DNAH5: variants seen among roughly 807,000 people sequenced by gnomAD.
DNAH5 encodes the protein axonemal beta dynein heavy chain 5.
A neutral mutation model predicts 518.2 loss-of-function variants in DNAH5; 372 were observed. The ratio of observed to expected loss-of-function variants is 0.72; its 90% CI spans 0.66 to 0.78. The LOEUF (loss-of-function observed/expected upper bound fraction) is 0.78. DNAH5 is among the 30% of genes least tolerant of loss of function. The pLI is 0.00. For synonymous variants in DNAH5, 2,039 were observed against 2,025.9 expected (o/e 1.01, Z -0.17); for missense variants, 5,523 against 5,687.0 (o/e 0.97, Z 0.93).
intron 8 of DNAH5, 92 bp from the exon 9 acceptor site, chr5:13,916,547 T>G: frequency 1.5e-6 from 1 of 645,832 alleles, no homozygotes; most frequent in East Asian, 3.1e-5. Context: ...AAATAAAGTT[T>G]AAGAGCTTTC....
intron 53 of DNAH5, 142 bp downstream of exon 53, chr5:13,780,686 AG>A: frequency 1.1e-6 from 1 of 930,738 alleles, no homozygotes. Flanking sequence ...AAAGGTTGAC[AG>A]GGGAAGATGA....
rs1753032624 is a variant in DNAH5 at position 13,769,558 on chromosome 5, A to T, written c.9663T>A (p.Ser3221Arg). ...CCTTTTCTTTCGCTTCCAGTTCTTT[A>T]CTCAAGGCTGCAACAGACTCTGAAG... ...KEASESVAAL[S>R]KELEAKEKEL... The change falls in exon 57 of 79, where the codon AGT (serine) becomes AGA (arginine). Residue 3221 changes from serine to arginine, a missense_variant. Around this residue, in one of 3 missense-constraint regions of DNAH5, gnomAD observed 5,121 missense variants for 5,223.3 expected, o/e 0.98. Coordinates refer to ENST00000265104, the MANE Select transcript of DNAH5 (RefSeq NM_001369.3). 44 of 1,613,832 alleles carry T rather than the reference A, an allele frequency of 2.7e-5. No individual in the cohort carries two copies. Among genetic ancestry groups the T allele is most frequent in the Non-Finnish European group, 3.7e-5 (44 of 1,179,950 alleles).
At chr5:13,960,728 G>T (rs1272209842) in intron 1 of DNAH5, among the ~76,000 whole-genome samples, 4 of 152,128 alleles carry the variant, frequency 2.6e-5, no homozygotes, top group African/African-American at 4.8e-5. Flanking sequence ...TCACCTCCCT[G>T]GGAGTCCCTC....
intron 56 of DNAH5, among the ~76,000 whole-genome samples, chr5:13,770,055 A>T (rs1365543311): frequency 6.6e-6 from 1 of 152,218 alleles, no homozygotes; most frequent in East Asian, 1.9e-4. Context: ...CCATCAGAAC[A>T]GCTGTAGGAA....
chr5:13,924,544 A>G (rs1372932099), intron 3 of DNAH5, among the ~76,000 whole-genome samples: 1 of 151,594 alleles, frequency 6.6e-6, no homozygotes, highest in Non-Finnish European at 1.5e-5. Context: ...GCGTGGTGGC[A>G]CATGCCTGTA....
At chr5:13,823,142 C>T in intron 40 of DNAH5, 121 bp downstream of exon 40, 1 of 786,834 alleles carries the variant, frequency 1.3e-6, no homozygotes, top group Middle Eastern at 2.3e-4. Context: ...CAGTGTTAGC[C>T]TCACTGTTGT....
intron 55 of DNAH5, among the ~76,000 whole-genome samples, chr5:13,774,033 C>A (rs972556472): frequency 6.6e-6 from 1 of 152,082 alleles, no homozygotes; most frequent in Non-Finnish European, 1.5e-5. Context: ...CGAAGGCCTG[C>A]TAAAGGTTGT....
intron 65 of DNAH5, 38 bp from the exon 66 acceptor site, chr5:13,737,533 A>G: frequency 1.2e-6 from 2 of 1,604,206 alleles, no homozygotes; most frequent in South Asian, 2.2e-5. Flanking sequence ...ACCTCAATTA[A>G]CAACTCTTGT....
rs543433788 is a variant in DNAH5 at position 13,843,305 on chromosome 5, G to A, written c.5272-1401C>T. Among the ~76,000 whole-genome samples the A allele has an allele frequency of 5.3e-5, 8 of 152,208 alleles. 1 individual carries two copies. In the South Asian group the frequency reaches 1.7e-3, roughly 32 times the overall value. On this transcript the variant is annotated intron_variant, in intron 32 of 78. Transcript: ENST00000265104. Reference sequence around the variant, plus strand: ...GAGAATGTTTCTGAAACACAAATCAGGTCACTGCCCTGCTTAAACACCTCC... The same window carrying A: ...GAGAATGTTTCTGAAACACAAATCAAGTCACTGCCCTGCTTAAACACCTCC...
intron 19 of DNAH5, among the ~76,000 whole-genome samples, chr5:13,883,840 A>G (rs1451094704): frequency 6.6e-6 from 1 of 152,156 alleles, no homozygotes; most frequent in African/African-American, 2.4e-5. Context: ...GTAAAACATA[A>G]TAAGCCATGG....
rs552113983 is a variant in DNAH5 at position 13,716,779 on chromosome 5, A to G, written c.12706-89T>C. 96 of 873,876 alleles carry G rather than the reference A, an allele frequency of 1.1e-4. No individual in the cohort carries two copies. In the African/African-American group the frequency reaches 1.5e-3, roughly 14 times the overall value. 54.1% of individuals were successfully genotyped at this position (873,876 alleles called of 1,614,324 possible). A position where few individuals can be genotyped will look rare whatever the true frequency, so the allele number is the denominator to read the frequency against. On this transcript the variant is annotated intron_variant, in intron 73 of 78. Transcript: ENST00000265104. The stretch of plus-strand genomic sequence containing the variant: ...AGTCACACCCATGTATTCACTTTCA[A>G]CATCATTCAGTCAGTCACTCTTCAT...
At chr5:13,907,373 G>A (rs1775439341) in intron 12 of DNAH5, among the ~76,000 whole-genome samples, 2 of 152,204 alleles carry the variant, frequency 1.3e-5, no homozygotes, top group African/African-American at 4.8e-5. Context: ...AGAGGTTGCA[G>A]TGAGCCGAGA....
chr5:13,769,421 C>A (rs1753001054), intron 57 of DNAH5, 80 bp downstream of exon 57: 1 of 1,108,432 alleles, frequency 9.0e-7, no homozygotes, highest in South Asian at 1.2e-5. Context: ...TAGTTATAGC[C>A]AGTGAATATG....
At chr5:13,769,667 CAATTCTCAAGT>C (rs770580197) in intron 56 of DNAH5, 52 bp from the exon 57 acceptor site, 11 of 1,438,442 alleles carry the variant, frequency 7.6e-6, no homozygotes, top group Non-Finnish European at 9.8e-6. Context: ...GACTTGGATG[CAATTCTCAAGT>C]ACTGGTCCAA....
chr5:13,769,168 C>G, intron 57 of DNAH5, 32 bp from the exon 58 acceptor site: 3 of 1,604,256 alleles, frequency 1.9e-6, no homozygotes, highest in Non-Finnish European at 2.6e-6. Context: ...AATACTTCAC[C>G]AAACAGTATT....
intron 1 of DNAH5, among the ~76,000 whole-genome samples, chr5:13,988,823 TTCAAGTGATTCTCCTGCC>T (rs1220228283): frequency 6.7e-6 from 1 of 149,184 alleles, no homozygotes; most frequent in Non-Finnish European, 1.5e-5. Context: ...GCCTCCCGGG[TTCAAGTGATTCTCCTGCC>T]TCAGCCTCCC....
chr5:13,956,902 A>C (rs1347360520), intron 1 of DNAH5, among the ~76,000 whole-genome samples: 1 of 152,240 alleles, frequency 6.6e-6, no homozygotes, highest in East Asian at 1.9e-4. Flanking sequence ...TATTTTCCTT[A>C]CAGAGAATTG....
chr5:13,834,236 AT>A (rs1464172100), intron 35 of DNAH5, among the ~76,000 whole-genome samples: 1 of 123,490 alleles, frequency 8.1e-6, no homozygotes, highest in East Asian at 3.2e-4. Flanking sequence ...GTTTTTTAAT[AT>A]AAAAAAAATA....
intron 70 of DNAH5, among the ~76,000 whole-genome samples, chr5:13,722,085 T>C (rs1350689084): frequency 6.6e-6 from 1 of 152,172 alleles, no homozygotes; most frequent in Non-Finnish European, 1.5e-5. Context: ...TCCACAATAA[T>C]CATTTTCACA....
Sources: gnomAD v4.1 joint callset for allele counts (sites outside exome capture counted in the v4.1 genomes callset) on GRCh38, gnomAD v4.1.1 for gene constraint, gnomAD v4.1.1 regional missense constraint, MANE v1.5 for transcripts, NCBI Gene and HGNC (gene_info 2026-07-23, HGNC 2026-07-21) for gene names.